The following SFXN5 variants were observed in gnomAD, a reference collection of about 807,000 sequenced individuals.
SFXN5 encodes sideroflexin-5.
Under a neutral mutation model 50.2 loss-of-function variants are expected in SFXN5, and 43 were observed. The ratio of observed to expected loss-of-function variants is 0.86; its 90% CI spans 0.67 to 1.11. SFXN5 has a LOEUF of 1.11. Ranked by LOEUF, SFXN5 falls within the 50% of genes least tolerant of loss-of-function variation. The pLI, the probability that SFXN5 is intolerant of heterozygous loss-of-function variation, is 0.00. For missense variants in SFXN5, 463 were observed against 454.1 expected (o/e 1.02, Z -0.18); for synonymous variants, 203 against 185.8 (o/e 1.09, Z -0.75).
At chr2:73,038,126 G>A (rs913841879) in intron 3 of SFXN5, among the ~76,000 whole-genome samples, 2 of 152,282 alleles carry the variant, frequency 1.3e-5, no homozygotes, top group Admixed American at 6.5e-5. Flanking sequence ...AACCTAGATG[G>A]GCAAGCCTGC....
rs1671558213 is a variant in SFXN5 at position 72,942,771 on chromosome 2, T to C, written c.*2251A>G. 6.7e-6 allele frequency: 1 copy of C among 150,302 alleles called. No homozygotes were observed. The highest frequency in any genetic ancestry group is 2.4e-5 in the African/African-American group (1 of 40,966). The allele number at this position is 150,302 out of a possible 1,614,324, so 9.3% of individuals were successfully genotyped here. On this transcript the variant is annotated 3_prime_UTR_variant, in exon 14 of 14. Transcript: ENST00000272433. ...GCTGCATTTGGGAGCATGACGGAAATCATCCGGGAGACAAAGCAAATGAGT... is the reference window on the plus strand; with the variant it reads ...GCTGCATTTGGGAGCATGACGGAAACCATCCGGGAGACAAAGCAAATGAGT...
chr2:73,000,563 C>A, intron 7 of SFXN5, 76 bp from the exon 8 acceptor site: 1 of 1,385,708 alleles, frequency 7.2e-7, no homozygotes, highest in Non-Finnish European at 1.0e-6. Context: ...CCCAGGAGGC[C>A]ACACATCCCC....
intron 10 of SFXN5, among the ~76,000 whole-genome samples, chr2:72,982,744 G>C (rs1234686414): frequency 6.6e-6 from 1 of 152,198 alleles, no homozygotes; most frequent in Non-Finnish European, 1.5e-5. Flanking sequence ...CCTGGTAGTC[G>C]AGGGAGGGCA....
At chr2:73,021,070 T>C (rs1676823943) in intron 5 of SFXN5, among the ~76,000 whole-genome samples, 1 of 152,174 alleles carries the variant, frequency 6.6e-6, no homozygotes, top group South Asian at 2.1e-4. Context: ...CACTTCTCTC[T>C]GGGGAGAGAA....
At chr2:72,951,544 C>T (rs1222262525) in intron 13 of SFXN5, among the ~76,000 whole-genome samples, 2 of 152,218 alleles carry the variant, frequency 1.3e-5, no homozygotes, top group East Asian at 3.8e-4. Flanking sequence ...CACCTGCAGC[C>T]AGGCCAGCAG....
intron 10 of SFXN5, among the ~76,000 whole-genome samples, chr2:72,979,227 C>T (rs3849393): frequency 0.17 from 25,976 of 152,046 alleles, 2,376 homozygotes; most frequent in East Asian, 0.32. Context: ...CAGGTCGGTG[C>T]CTTCTGTGGG....
In SFXN5 at chr2:72,961,052, G is replaced by T; in HGVS notation, c.945+79C>A. On this transcript the variant is annotated intron_variant, in intron 13 of 13. Coordinates refer to ENST00000272433, the MANE Select transcript of SFXN5 (RefSeq NM_144579.3). This position sits in a 1 kb window ranked among gnomAD's most constrained non-coding sequence, Gnocchi z 4.4. ...CGCCTAGCATGGCGCTAAGGAGTCG[G>T]CACGGTATGAGTATTTGTTCAGAAA... The T allele has an allele frequency of 9.4e-7, 1 of 1,058,760 alleles. No individual in the cohort carries two copies. Among genetic ancestry groups the T allele is most frequent in the Non-Finnish European group, 1.3e-6 (1 of 760,576 alleles). The allele number at this position is 1,058,760 out of a possible 1,614,324, so 65.6% of individuals were successfully genotyped here. A position where few individuals can be genotyped will look rare whatever the true frequency, so the allele number is the denominator to read the frequency against.
chr2:73,030,409 G>A (rs951832736), intron 3 of SFXN5, among the ~76,000 whole-genome samples: 8 of 152,024 alleles, frequency 5.3e-5, no homozygotes, highest in African/African-American at 9.7e-5. Flanking sequence ...ACGGGATCTC[G>A]CTATGTTGAC....
chr2:73,071,559 T>G (rs749049253), intron 1 of SFXN5, 45 bp downstream of exon 1: 5 of 1,579,142 alleles, frequency 3.2e-6, no homozygotes, highest in Non-Finnish European at 4.3e-6. Flanking sequence ...TTGCTCGTCC[T>G]CTCTTTGCCA....
At chr2:72,978,029 C>A (rs1334657019) in intron 10 of SFXN5, among the ~76,000 whole-genome samples, 1 of 149,070 alleles carries the variant, frequency 6.7e-6, no homozygotes, top group African/African-American at 2.5e-5. Flanking sequence ...GAAACTCTAA[C>A]CCTACTCCAG....
At chr2:72,958,020 G>A (rs1673300384) in intron 13 of SFXN5, among the ~76,000 whole-genome samples, 1 of 152,270 alleles carries the variant, frequency 6.6e-6, no homozygotes, top group Admixed American at 6.5e-5. Flanking sequence ...AAGTAGGCAT[G>A]TGGGGAGAGG....
intron 10 of SFXN5, among the ~76,000 whole-genome samples, chr2:72,979,098 G>A (rs1444458932): frequency 6.6e-6 from 1 of 152,184 alleles, no homozygotes; most frequent in Non-Finnish European, 1.5e-5. Flanking sequence ...AAAAGGATAT[G>A]TACAGTATGG....
At chr2:73,010,101 T>A (rs1261477482) in intron 6 of SFXN5, among the ~76,000 whole-genome samples, 1 of 152,222 alleles carries the variant, frequency 6.6e-6, no homozygotes, top group Non-Finnish European at 1.5e-5. Context: ...GATGGAATAT[T>A]TATAAAAGTT....
chr2:73,059,556 C>T (rs761364783), intron 1 of SFXN5: 48 of 985,302 alleles, frequency 4.9e-5, no homozygotes, highest in Non-Finnish European at 5.7e-5. Flanking sequence ...CTGCAATAGG[C>T]TCCAGGTCAC....
intron 3 of SFXN5, among the ~76,000 whole-genome samples, chr2:73,027,088 T>TAA (rs2105861520): frequency 6.6e-6 from 1 of 152,282 alleles, no homozygotes; most frequent in South Asian, 2.1e-4. Context: ...AGTTAACTGT[T>TAA]AAACAGCCTC....
At position 72,960,154 on chromosome 2, in the gene SFXN5, C is replaced by T. The variant is rs956731378; in HGVS notation, c.945+977G>A. Among the ~76,000 whole-genome samples, 3 of 152,090 alleles carry T rather than the reference C, an allele frequency of 2.0e-5. No homozygotes were observed. The highest frequency in any genetic ancestry group is 7.2e-5 in the African/African-American group (3 of 41,416). On this transcript the variant is annotated intron_variant, in intron 13 of 13. Coordinates refer to ENST00000272433, the MANE Select transcript of SFXN5 (RefSeq NM_144579.3). This position sits in a 1 kb window ranked among gnomAD's most constrained non-coding sequence, Gnocchi z 6.1. ...ACTGTTGTCATGCTGGTAGGCTCTA[C>T]TTCTATCCCTCCAGCCCAGGCGTCT...
At chr2:72,951,039 C>T (rs1257578770) in intron 13 of SFXN5, among the ~76,000 whole-genome samples, 3 of 151,788 alleles carry the variant, frequency 2.0e-5, no homozygotes, top group Non-Finnish European at 4.4e-5. Flanking sequence ...CAGGGGCTCC[C>T]GAGGGAGGGG....
intron 1 of SFXN5, among the ~76,000 whole-genome samples, chr2:73,063,644 A>G (rs1445445288): frequency 6.6e-6 from 1 of 152,208 alleles, no homozygotes; most frequent in East Asian, 1.9e-4. Context: ...CAAGAGGTAG[A>G]TGGTTCATTC....
At chr2:73,005,902 T>C (rs1674569717) in intron 6 of SFXN5, among the ~76,000 whole-genome samples, 1 of 151,958 alleles carries the variant, frequency 6.6e-6, no homozygotes, top group African/African-American at 2.4e-5. Flanking sequence ...ACTCCTTTTA[T>C]TAAGTCCTAA....
Sources: allele counts gnomAD v4.1 joint callset (sites outside exome capture counted in the v4.1 genomes callset), GRCh38; gene constraint gnomAD v4.1.1; non-coding constraint Gnocchi (gnomAD v3.1); transcripts MANE v1.5; gene names NCBI Gene and HGNC (gene_info 2026-07-23, HGNC 2026-07-21).